ACTMAP: variants seen among roughly 807,000 people sequenced by gnomAD.
ACTMAP encodes UPF0692 protein C19orf54.
At chr19:40,744,104 G>A in the ACTMAP span, 1 of 1,613,848 alleles carries the variant, frequency 6.2e-7, no homozygotes, top group Non-Finnish European at 8.5e-7. Context: ...AGGTGCTGCA[G>A]GACGAGGTCT....
At chr19:40,744,729 C>G in the ACTMAP span, 4 of 1,555,476 alleles carry the variant, frequency 2.6e-6, no homozygotes, top group South Asian at 4.9e-5. Flanking sequence ...TCACAGCCCC[C>G]TTACCTGGAA....
the ACTMAP span, among the ~76,000 whole-genome samples, chr19:40,746,137 A>G: frequency 6.6e-6 from 1 of 152,226 alleles, no homozygotes; most frequent in African/African-American, 2.4e-5. Context: ...GGCCTAAAAC[A>G]TCACCTTGAT....
At chr19:40,742,076 G>A in the ACTMAP span, 1 of 507,644 alleles carries the variant, frequency 2.0e-6, no homozygotes, top group African/African-American at 1.9e-5. Context: ...GGAAGACCTT[G>A]GGCTAAGGAG....
the ACTMAP span, chr19:40,742,646 G>A: frequency 1.5e-4 from 250 of 1,613,364 alleles, 2 homozygotes; most frequent in Middle Eastern, 3.3e-4. Context: ...CAGCTCCCGG[G>A]GAGCCCTCCT....
the ACTMAP span, chr19:40,745,175 A>G: frequency 1.3e-6 from 2 of 1,551,776 alleles, no homozygotes; most frequent in Non-Finnish European, 8.7e-7. Context: ...ACAGAAGAGG[A>G]TCCACCGCAG....
chr19:40,742,859 CA>C, the ACTMAP span: 7 of 1,306,290 alleles, frequency 5.4e-6, no homozygotes, highest in Non-Finnish European at 7.4e-6. Context: ...CCCGGCCCTC[CA>C]GGGTGGGTGC....
At chr19:40,741,275 C>T in the ACTMAP span, 1 of 309,636 alleles carries the variant, frequency 3.2e-6, no homozygotes, top group Admixed American at 4.8e-5. Context: ...AGCCCCGTCT[C>T]TACTAAAAAT....
chr19:40,742,007 A>T, the ACTMAP span: 4 of 452,490 alleles, frequency 8.8e-6, no homozygotes, highest in Non-Finnish European at 1.8e-5. Flanking sequence ...TGATCCGGGG[A>T]TTTGAACAAC....
At chr19:40,747,325 T>C in the ACTMAP span, among the ~76,000 whole-genome samples, 1 of 151,154 alleles carries the variant, frequency 6.6e-6, no homozygotes, top group Non-Finnish European at 1.5e-5. Context: ...TCACCTGAGG[T>C]CAGGAGTTCG....
At chr19:40,742,522 C>A in the ACTMAP span, 2 of 1,555,754 alleles carry the variant, frequency 1.3e-6, no homozygotes, top group Non-Finnish European at 1.7e-6. Flanking sequence ...TACACCCGGC[C>A]GTCAGTGGCC....
chr19:40,748,664 G>A, the ACTMAP span, among the ~76,000 whole-genome samples: 4 of 152,160 alleles, frequency 2.6e-5, no homozygotes, highest in African/African-American at 9.7e-5. Context: ...TCTGTCCTGC[G>A]TGGGCTGGCT....
At chr19:40,746,790 C>T in the ACTMAP span, among the ~76,000 whole-genome samples, 5 of 152,224 alleles carry the variant, frequency 3.3e-5, no homozygotes, top group South Asian at 2.1e-4. Context: ...GGATTACAGG[C>T]GTGAGCCACC....
At chr19:40,742,497 C>A in the ACTMAP span, 1 of 1,512,810 alleles carries the variant, frequency 6.6e-7, no homozygotes, top group Non-Finnish European at 8.9e-7. Context: ...CCGTACCCCA[C>A]CCACGGGCAC....
At chr19:40,749,481 C>G in the ACTMAP span, 1 of 1,544,116 alleles carries the variant, frequency 6.5e-7, no homozygotes, top group Non-Finnish European at 8.8e-7. Context: ...GAGACCCTAC[C>G]GGTCCTTGTG....
chr19:40,744,185 C>T, the ACTMAP span: 35 of 1,582,812 alleles, frequency 2.2e-5, no homozygotes, highest in African/African-American at 3.6e-4. Flanking sequence ...GCCAGCCTGC[C>T]CATATCGGCC....
the ACTMAP span, chr19:40,744,848 C>T: frequency 8.6e-7 from 1 of 1,166,860 alleles, no homozygotes; most frequent in Non-Finnish European, 1.2e-6. Context: ...GGCTGGAGGG[C>T]TGGGGGTGGA....
the ACTMAP span, among the ~76,000 whole-genome samples, chr19:40,748,279 C>T: frequency 6.6e-6 from 1 of 151,940 alleles, no homozygotes; most frequent in South Asian, 2.1e-4. Flanking sequence ...GCCTGGCCAA[C>T]ATGACAAACC....
the ACTMAP span, chr19:40,749,679 G>A: frequency 2.0e-6 from 3 of 1,535,836 alleles, no homozygotes; most frequent in East Asian, 7.4e-5. Context: ...GGGAGGGGAT[G>A]GTAAAGCTGA....
chr19:40,749,406 C>A, the ACTMAP span: 13 of 1,343,872 alleles, frequency 9.7e-6, no homozygotes, highest in Admixed American at 2.7e-5. Context: ...ACACGGGAAC[C>A]CCCCCCCCAC....
Sources: allele counts gnomAD v4.1 joint callset (sites outside exome capture counted in the v4.1 genomes callset), GRCh38; gene constraint gnomAD v4.1.1; transcripts MANE v1.5; gene names NCBI Gene and HGNC (gene_info 2026-07-23, HGNC 2026-07-21).